The following TPRG1 variants were observed in gnomAD, a reference collection of about 807,000 sequenced individuals.
The protein encoded by TPRG1 is tumor protein p63-regulated gene 1 protein.
Under a neutral mutation model 29.3 loss-of-function variants are expected in TPRG1, and 29 were observed. The ratio of observed to expected loss-of-function variants is 0.99; its 90% CI spans 0.74 to 1.35. TPRG1 has a LOEUF of 1.35. Among genes scored for constraint, TPRG1 ranks in the 40% most tolerant of loss-of-function variants. The probability of loss-of-function intolerance (pLI) is 0.00; values close to 1 mark genes in which losing one functional copy is unlikely to be tolerated. For synonymous variants in TPRG1, 130 were observed against 116.8 expected, an observed-to-expected ratio of 1.11 and a Z score of -0.73; for missense variants, 327 against 335.0, an observed-to-expected ratio of 0.98 and a Z score of 0.19.
intron 5 of TPRG1, among the ~76,000 whole-genome samples, chr3:189,162,584 C>T (rs568712539): frequency 6.6e-6 from 1 of 152,278 alleles, no homozygotes; most frequent in South Asian, 2.1e-4. Flanking sequence ...TTACATCTGG[C>T]TCTAGCAACA....
At chr3:189,242,505 G>C (rs7612132) in intron 4 of TPRG1, among the ~76,000 whole-genome samples, 149,509 of 152,262 alleles carry the variant, frequency 0.98, 73,413 homozygotes, top group Middle Eastern at 1. Context: ...TTATGCATTA[G>C]TGGATTTAGT....
intron 4 of TPRG1, among the ~76,000 whole-genome samples, chr3:189,250,506 C>T (rs377251137): frequency 1.6e-5 from 1 of 63,604 alleles, no homozygotes; most frequent in Non-Finnish European, 2.8e-5. Context: ...TGATTTCCGC[C>T]CCCCCCCCCC....
intron 1 of TPRG1, among the ~76,000 whole-genome samples, chr3:189,108,892 C>T (rs915934474): frequency 2.6e-5 from 4 of 151,932 alleles, no homozygotes; most frequent in Admixed American, 2.0e-4. Flanking sequence ...GTGTTTCCAT[C>T]TTGCTTTGCT....
chr3:189,206,961 T>C (rs763101004), intron 1 of TPRG1, among the ~76,000 whole-genome samples: 2 of 152,224 alleles, frequency 1.3e-5, no homozygotes, highest in Non-Finnish European at 2.9e-5. Context: ...TGCTCTATTA[T>C]GACTCAAGAA....
intron 4 of TPRG1, among the ~76,000 whole-genome samples, chr3:189,056,406 A>G (rs1715702749): frequency 6.6e-6 from 1 of 152,020 alleles, no homozygotes. Flanking sequence ...TAGCAGAGGT[A>G]TTTTTGCTGT....
chr3:189,196,742 A>G (rs1467731308), intron 1 of TPRG1, among the ~76,000 whole-genome samples: 2 of 152,168 alleles, frequency 1.3e-5, no homozygotes, highest in Non-Finnish European at 2.9e-5. Context: ...TTCTTATTTT[A>G]TGATAATTCA....
At chr3:189,096,003 C>T (rs77146050), upstream of TPRG1, among the ~76,000 whole-genome samples, 832 of 152,330 alleles carry the variant, frequency 5.5e-3, 6 homozygotes, top group African/African-American at 0.018. Flanking sequence ...GTATCCATAA[C>T]GTTTGCTCAT....
upstream of TPRG1, among the ~76,000 whole-genome samples, chr3:189,167,060 C>T (rs553622725): frequency 6.6e-5 from 10 of 152,278 alleles, no homozygotes; most frequent in South Asian, 4.1e-4. Context: ...CTAATAGAAG[C>T]GGTGTTTTTT....
At chr3:189,207,350 A>G (rs748958544) in intron 1 of TPRG1, 26 bp from the exon 2 acceptor site, 15 of 1,611,482 alleles carry the variant, frequency 9.3e-6, no homozygotes, top group Middle Eastern at 1.7e-4. Context: ...CATTTTTTCA[A>G]TGAGATTTTT....
chr3:189,082,096 G>A (rs1257090477), intron 4 of TPRG1, among the ~76,000 whole-genome samples: 1 of 152,176 alleles, frequency 6.6e-6, no homozygotes, highest in African/African-American at 2.4e-5. Flanking sequence ...ATCTTGCTGA[G>A]GTGGAAACTA....
At chr3:189,168,585 A>G (rs1728431226), upstream of TPRG1, among the ~76,000 whole-genome samples, 1 of 152,198 alleles carries the variant, frequency 6.6e-6, no homozygotes, top group Non-Finnish European at 1.5e-5. Flanking sequence ...GGGTAGACAG[A>G]TGCATATTGG....
intron 4 of TPRG1, among the ~76,000 whole-genome samples, chr3:189,283,668 G>T (rs1037050096): frequency 3.9e-5 from 6 of 152,198 alleles, no homozygotes; most frequent in African/African-American, 1.4e-4. Flanking sequence ...CTGGTCAGTT[G>T]TTGATTTCAT....
At chr3:189,209,326 T>G (rs568085957) in intron 2 of TPRG1, among the ~76,000 whole-genome samples, 33 of 152,200 alleles carry the variant, frequency 2.2e-4, no homozygotes, top group Non-Finnish European at 4.4e-4. Flanking sequence ...ACGACTTATG[T>G]TTCAATTCTA....
At chr3:189,103,822 C>T (rs1178746204) in intron 1 of TPRG1, among the ~76,000 whole-genome samples, 2 of 152,160 alleles carry the variant, frequency 1.3e-5, no homozygotes, top group African/African-American at 2.4e-5. Flanking sequence ...ATCATGTCAG[C>T]TTCATCTTTC....
chr3:189,245,892 C>CT (rs1310823112), intron 4 of TPRG1, among the ~76,000 whole-genome samples: 3 of 151,890 alleles, frequency 2.0e-5, no homozygotes, highest in African/African-American at 7.3e-5. Context: ...TGAATTGAGC[C>CT]TTTTTTTCAT....
At chr3:189,117,384 G>T (rs1187933167) in intron 1 of TPRG1, among the ~76,000 whole-genome samples, 3 of 152,170 alleles carry the variant, frequency 2.0e-5, no homozygotes. Flanking sequence ...TCATTGTAGG[G>T]AGTTTATTCC....
intron 1 of TPRG1, among the ~76,000 whole-genome samples, chr3:189,175,758 T>C (rs9851297): frequency 0.68 from 102,798 of 152,154 alleles, 36,213 homozygotes; most frequent in African/African-American, 0.89. Flanking sequence ...TTTTAAAATA[T>C]GTTAAGCAAC....
intron 1 of TPRG1, among the ~76,000 whole-genome samples, chr3:189,172,851 G>A (rs1028322848): frequency 2.6e-5 from 4 of 152,154 alleles, no homozygotes; most frequent in Admixed American, 6.5e-5. Context: ...TTTAATTCGG[G>A]GCTAAATGAC....
chr3:189,288,313 T>C (rs1463837182), intron 4 of TPRG1, among the ~76,000 whole-genome samples: 1 of 152,224 alleles, frequency 6.6e-6, no homozygotes, highest in Non-Finnish European at 1.5e-5. Flanking sequence ...GATTTTTTTC[T>C]GCAACGTGTA....
Sources: allele counts gnomAD v4.1 joint callset (sites outside exome capture counted in the v4.1 genomes callset), GRCh38; gene constraint gnomAD v4.1.1; transcripts MANE v1.5; gene names NCBI Gene and HGNC (gene_info 2026-07-23, HGNC 2026-07-21).